Variants in PLD5 observed in about 807,000 individuals in gnomAD.
PLD5 encodes phospholipase D family member 5, also known as inactive phospholipase D5.
In PLD5, 36 loss-of-function variants were observed where a neutral mutation model predicts 61.1. The observed-to-expected ratio is 0.59, with a 90% CI of 0.45 to 0.78. PLD5 has a LOEUF of 0.78. Ranked by LOEUF, PLD5 falls within the 30% of genes least tolerant of loss-of-function variation. PLD5 has a pLI of 0.00. For missense variants in PLD5, 515 were observed against 644.4 expected (o/e 0.80, Z 2.17); for synonymous variants, 243 against 242.8 (o/e 1.00, Z -0.01).
At chr1:242,319,052 G>A (rs1442740750) in intron 2 of PLD5, among the ~76,000 whole-genome samples, 2 of 152,102 alleles carry the variant, frequency 1.3e-5, no homozygotes, top group African/African-American at 2.4e-5. Flanking sequence ...AGGGGCTCCA[G>A]AGAAGCCCTC....
intron 4 of PLD5, among the ~76,000 whole-genome samples, chr1:242,224,884 T>C (rs1670827590): frequency 1.3e-5 from 2 of 152,214 alleles, no homozygotes; most frequent in South Asian, 4.1e-4. Flanking sequence ...CATATAAGGG[T>C]TTTGAAAGAG....
intron 2 of PLD5, among the ~76,000 whole-genome samples, chr1:242,334,542 C>T (rs1343358934): frequency 1.3e-5 from 2 of 152,182 alleles, no homozygotes; most frequent in Non-Finnish European, 2.9e-5. Flanking sequence ...ATCGTGGCAT[C>T]CCTCTGCCCT....
chr1:242,389,573 A>G (rs1324585597), intron 1 of PLD5, among the ~76,000 whole-genome samples: 3 of 151,574 alleles, frequency 2.0e-5, no homozygotes, highest in Admixed American at 6.6e-5. Flanking sequence ...GAGGGGGGGA[A>G]AATCTGTTTA....
At chr1:242,102,450 T>C (rs1312885838) in intron 8 of PLD5, among the ~76,000 whole-genome samples, 1 of 152,174 alleles carries the variant, frequency 6.6e-6, no homozygotes, top group Non-Finnish European at 1.5e-5. Context: ...AGCAAAGACA[T>C]TTCAAAAGGG....
chr1:242,274,820 A>G (rs1674322740), intron 3 of PLD5, among the ~76,000 whole-genome samples: 1 of 152,142 alleles, frequency 6.6e-6, no homozygotes. Context: ...GTAATCAAGG[A>G]AGCTCAAAGC....
chr1:242,296,741 A>G (rs1427527767), intron 2 of PLD5, among the ~76,000 whole-genome samples: 3 of 152,032 alleles, frequency 2.0e-5, no homozygotes, highest in Admixed American at 6.5e-5. Flanking sequence ...GGGTCTTGCT[A>G]TGTTGTTCAG....
intron 5 of PLD5, among the ~76,000 whole-genome samples, chr1:242,185,633 C>A (rs1667824786): frequency 6.6e-6 from 1 of 152,178 alleles, no homozygotes; most frequent in African/African-American, 2.4e-5. Context: ...GTTAGAGAAT[C>A]ATACTCATAA....
chr1:242,308,911 G>A (rs561837134), intron 2 of PLD5, among the ~76,000 whole-genome samples: 65 of 152,208 alleles, frequency 4.3e-4, no homozygotes, highest in African/African-American at 1.5e-3. Context: ...TTCTGCACTC[G>A]TTATTTTGGG....
intron 2 of PLD5, among the ~76,000 whole-genome samples, chr1:242,308,919 G>C (rs1676531676): frequency 6.6e-6 from 1 of 152,070 alleles, no homozygotes; most frequent in African/African-American, 2.4e-5. Flanking sequence ...TCGTTATTTT[G>C]GGATTTGGAG....
intron 1 of PLD5, among the ~76,000 whole-genome samples, chr1:242,453,058 C>T (rs2102926585): frequency 6.6e-6 from 1 of 152,300 alleles, no homozygotes; most frequent in East Asian, 1.9e-4. Context: ...GTTTGTGGCC[C>T]CCTCCACATT....
In PLD5 at chr1:242,089,053, A is replaced by G; in HGVS notation, c.*801T>C. ...TGGCTACATAATTTTTCTGAGCTTG[A>G]GAGAAAGGATACATATTGCTGACTG... On this transcript the variant is annotated 3_prime_UTR_variant, in exon 10 of 10. Coordinates refer to ENST00000536534, the MANE Select transcript of PLD5 (RefSeq NM_001372062.1). 1 of 338,802 alleles carries G rather than the reference A, an allele frequency of 3.0e-6. No individual in the cohort carries two copies. The allele number at this position is 338,802 out of a possible 1,614,324, so 21.0% of individuals were successfully genotyped here.
At chr1:242,411,626 A>T (rs1482434816) in intron 1 of PLD5, among the ~76,000 whole-genome samples, 1 of 152,326 alleles carries the variant, frequency 6.6e-6, no homozygotes, top group Middle Eastern at 3.4e-3. Flanking sequence ...CATTTTAGGA[A>T]TTTTATAGGA....
At chr1:242,368,379 T>C (rs540395331) in intron 1 of PLD5, among the ~76,000 whole-genome samples, 1 of 152,174 alleles carries the variant, frequency 6.6e-6, no homozygotes, top group South Asian at 2.1e-4. Context: ...CTCATAGCCA[T>C]GGAGATCAAA....
chr1:242,465,313 C>T (rs1667240795), intron 1 of PLD5, among the ~76,000 whole-genome samples: 1 of 152,194 alleles, frequency 6.6e-6, no homozygotes, highest in African/African-American at 2.4e-5. Flanking sequence ...TCTGATCCAG[C>T]CCAACATGAT....
At chr1:242,371,301 G>A (rs745944910) in intron 1 of PLD5, among the ~76,000 whole-genome samples, 3 of 151,974 alleles carry the variant, frequency 2.0e-5, no homozygotes, top group Non-Finnish European at 4.4e-5. Context: ...TAACTTTGCC[G>A]TCAGTACAGA....
intron 1 of PLD5, among the ~76,000 whole-genome samples, chr1:242,467,778 C>T (rs1238362314): frequency 1.3e-5 from 2 of 152,104 alleles, no homozygotes; most frequent in Non-Finnish European, 2.9e-5. Context: ...AACGATGGTT[C>T]CCAAGCATCC....
chr1:242,291,577 C>A (rs376825611), intron 2 of PLD5, among the ~76,000 whole-genome samples: 3 of 151,948 alleles, frequency 2.0e-5, no homozygotes, highest in African/African-American at 4.8e-5. Flanking sequence ...GAGGCCGAGG[C>A]GGGCGGATCA....
At chr1:242,308,345 G>C (rs190003980) in intron 2 of PLD5, among the ~76,000 whole-genome samples, 1 of 152,242 alleles carries the variant, frequency 6.6e-6, no homozygotes, top group African/African-American at 2.4e-5. Flanking sequence ...TGAACTAGGA[G>C]TCTCAGGAAC....
intron 1 of PLD5, among the ~76,000 whole-genome samples, chr1:242,515,639 C>A (rs564616740): frequency 2.6e-5 from 4 of 152,290 alleles, no homozygotes; most frequent in South Asian, 4.2e-4. Flanking sequence ...TATAAAATCT[C>A]TTTTCAATGC....
Sources: allele counts gnomAD v4.1 joint callset (sites outside exome capture counted in the v4.1 genomes callset), GRCh38; gene constraint gnomAD v4.1.1; transcripts MANE v1.5; gene names NCBI Gene and HGNC (gene_info 2026-07-23, HGNC 2026-07-21).